The following DNAH7 variants were observed in gnomAD, a reference collection of about 807,000 sequenced individuals.
DNAH7 encodes the protein dynein axonemal heavy chain 7, also known as axonemal beta dynein heavy chain 7.
DNAH7 carries 397 observed loss-of-function variants against 444.6 expected under a neutral mutation model. That is an observed-to-expected ratio of 0.89 (90% CI 0.82 to 0.97). DNAH7 has a LOEUF of 0.97. Ranked by LOEUF, DNAH7 falls within the 50% of genes least tolerant of loss-of-function variation. The pLI, the probability that DNAH7 is intolerant of heterozygous loss-of-function variation, is 0.00. For missense variants in DNAH7, 4,902 were observed against 4,800.8 expected (o/e 1.02, Z -0.62); for synonymous variants, 1,636 against 1,624.4 (o/e 1.01, Z -0.17).
In DNAH7 at chr2:195,876,593, A is replaced by C. The variant is rs777397945; in HGVS notation, c.6068T>G (p.Leu2023Trp). The C allele has an allele frequency of 1.2e-6, 2 of 1,613,922 alleles. No individual in the cohort carries two copies. The highest frequency in any genetic ancestry group is 3.3e-5 in the Admixed American group (2 of 60,012). The change falls in exon 37 of 65, where the codon TTG (leucine) becomes TGG (tryptophan). Residue 2023 changes from leucine to tryptophan, a missense_variant. Transcript: ENST00000312428. ...AQTQNIVMSKLDKRRKGVFGP... is the reference protein window; with the variant it reads ...AQTQNIVMSKWDKRRKGVFGP... ...AAAAACTCCCTTTCTTCTCTTGTCC[A>C]ATTTTGACATGACAATATTCTGAGT...
In DNAH7 at chr2:195,820,752, GT is replaced by G. The variant is rs557867601; in HGVS notation, c.9292-2924del. On this transcript the variant is annotated intron_variant, in intron 49 of 64. Transcript: ENST00000312428. Reference sequence around the variant, plus strand: ...CATTTTGGCATACCGAAATCTGAGGGTTTTTTTAAATTAGAATTTTAATTCG... The same window carrying G: ...CATTTTGGCATACCGAAATCTGAGGGTTTTTTAAATTAGAATTTTAATTCG... Among the ~76,000 whole-genome samples the G allele has an allele frequency of 2.2e-3, 333 of 152,182 alleles. 2 individuals carry two copies. Among genetic ancestry groups the G allele is most frequent in the Non-Finnish European group, 1.4e-3 (96 of 67,988 alleles).
chr2:195,820,487 G>C (rs998467403), intron 49 of DNAH7, among the ~76,000 whole-genome samples: 5 of 150,988 alleles, frequency 3.3e-5, no homozygotes, highest in African/African-American at 1.2e-4. Context: ...AGAAATACTT[G>C]TTTTTTTACC....
chr2:196,025,466 C>A (rs1028017638), intron 7 of DNAH7, among the ~76,000 whole-genome samples: 2 of 152,112 alleles, frequency 1.3e-5, no homozygotes, highest in African/African-American at 4.8e-5. Context: ...GTCCCCTTCC[C>A]CAGATGCACC....
intron 46 of DNAH7, among the ~76,000 whole-genome samples, chr2:195,845,452 C>T (rs145201048): frequency 0.02 from 3,063 of 152,242 alleles, 47 homozygotes; most frequent in Non-Finnish European, 0.03. Flanking sequence ...TATAAAGCTT[C>T]ATTTTCAAGG....
intron 48 of DNAH7, among the ~76,000 whole-genome samples, chr2:195,826,084 C>G (rs1389256256): frequency 6.6e-6 from 1 of 152,088 alleles, no homozygotes; most frequent in African/African-American, 2.4e-5. Flanking sequence ...TACTTTTATA[C>G]TATTATTAAT....
Position 195,771,770 on chromosome 2 carries a change from T to C in DNAH7, c.11323A>G (p.Thr3775Ala), listed in dbSNP as rs778407940. 1.9e-6 allele frequency: 3 copies of C among 1,614,162 alleles called. No individual in the cohort carries two copies. Among genetic ancestry groups the C allele is most frequent in the South Asian group, 2.2e-5 (2 of 91,078 alleles). The change falls in exon 61 of 65, where the codon ACA (threonine) becomes GCA (alanine). Residue 3775 changes from threonine (T) to alanine (A), a missense_variant. Transcript: ENST00000312428. ...GTGTTCATGCTCTGAGTATAAGTTG[T>C]TGGGTACCTCCTCATGGCAGCCTCG... is the stretch of plus-strand genomic sequence containing the variant. ...DIEAAMRRYP[T>A]TYTQSMNTVL...
At chr2:195,812,161 G>T (rs1697001632) in intron 51 of DNAH7, among the ~76,000 whole-genome samples, 1 of 152,022 alleles carries the variant, frequency 6.6e-6, no homozygotes. Flanking sequence ...TCCTATGATT[G>T]TGTTTCCAAC....
At chr2:196,019,845 AAC>A (rs1296736985) in intron 8 of DNAH7, among the ~76,000 whole-genome samples, 9 of 152,200 alleles carry the variant, frequency 5.9e-5, no homozygotes. Context: ...ACCCTTGAAT[AAC>A]ACAGGTTTGA....
At chr2:195,862,125 C>G (rs1318762003) in intron 41 of DNAH7, among the ~76,000 whole-genome samples, 179 bp from the exon 42 acceptor site, 3 of 151,946 alleles carry the variant, frequency 2.0e-5, no homozygotes, top group Non-Finnish European at 4.4e-5. Flanking sequence ...GGGGAGGGAG[C>G]CAGGAGCTAG....
intron 35 of DNAH7, among the ~76,000 whole-genome samples, chr2:195,884,225 T>C (rs1373159869): frequency 6.6e-6 from 1 of 152,262 alleles, no homozygotes; most frequent in East Asian, 1.9e-4. Flanking sequence ...GACTTCTTAG[T>C]GCCTAGTATA....
chr2:196,006,170 T>G (rs1401047860), intron 10 of DNAH7, among the ~76,000 whole-genome samples: 1 of 151,890 alleles, frequency 6.6e-6, no homozygotes, highest in Non-Finnish European at 1.5e-5. Context: ...CAAAATTAGC[T>G]GGGCACATGC....
intron 12 of DNAH7, chr2:195,998,901 A>G (rs1693867457): frequency 2.0e-6 from 1 of 493,264 alleles, no homozygotes; most frequent in Non-Finnish European, 3.6e-6. Context: ...CAACAAAAAA[A>G]AAAGTCTAAG....
chr2:196,024,089 G>T (rs996193888), intron 8 of DNAH7, among the ~76,000 whole-genome samples: 4 of 152,072 alleles, frequency 2.6e-5, no homozygotes, highest in African/African-American at 7.2e-5. Context: ...AATAATAACA[G>T]AAAAAGCTTA....
At chr2:195,881,347 T>C (rs1701365593) in intron 36 of DNAH7, among the ~76,000 whole-genome samples, 2 of 152,226 alleles carry the variant, frequency 1.3e-5, no homozygotes, top group South Asian at 2.1e-4. Flanking sequence ...GACTGCAGCA[T>C]TTTCTATTAC....
intron 63 of DNAH7, among the ~76,000 whole-genome samples, chr2:195,749,553 T>C (rs1049838389): frequency 6.6e-4 from 100 of 152,142 alleles, no homozygotes; most frequent in South Asian, 1.5e-3. Context: ...TGCAGCACTA[T>C]TCACAATAGC....
At chr2:195,832,840 C>G (rs1698138879) in intron 48 of DNAH7, among the ~76,000 whole-genome samples, 1 of 152,086 alleles carries the variant, frequency 6.6e-6, no homozygotes, top group Non-Finnish European at 1.5e-5. Flanking sequence ...TTATATCATA[C>G]TAAAATATGA....
chr2:195,778,643 A>AAAAAAAAT (rs1553518206), intron 58 of DNAH7, among the ~76,000 whole-genome samples: 2 of 56,254 alleles, frequency 3.6e-5, no homozygotes, highest in African/African-American at 1.0e-4. Context: ...TAAATAAATA[A>AAAAAAAAT]ATATATATAT....
chr2:195,865,757 T>G (rs957326687), intron 40 of DNAH7, among the ~76,000 whole-genome samples: 16 of 152,068 alleles, frequency 1.1e-4, no homozygotes, highest in African/African-American at 3.9e-4. Flanking sequence ...TGTGACTGGA[T>G]TTGGGGATAG....
At chr2:195,740,710 T>G in intron 64 of DNAH7, 56 bp downstream of exon 64, 1 of 639,486 alleles carries the variant, frequency 1.6e-6, no homozygotes, top group Non-Finnish European at 2.2e-6. Flanking sequence ...TTATATATAA[T>G]ATATAAAATA....
Sources: gnomAD v4.1 joint callset for allele counts (sites outside exome capture counted in the v4.1 genomes callset) on GRCh38, gnomAD v4.1.1 for gene constraint, MANE v1.5 for transcripts, NCBI Gene and HGNC (gene_info 2026-07-23, HGNC 2026-07-21) for gene names.